AGAP1: variants seen among roughly 807,000 people sequenced by gnomAD.
AGAP1 encodes the protein arf-GAP with GTPase, ANK repeat and PH domain-containing protein 1.
A neutral mutation model predicts 105.3 loss-of-function variants in AGAP1; 29 were observed. The observed-to-expected ratio is 0.28, with a 90% CI of 0.21 to 0.38. The LOEUF is 0.38. Ranked by LOEUF, AGAP1 falls within the 10% of genes least tolerant of loss-of-function variation. AGAP1 has a pLI of 1.00. For synonymous variants in AGAP1, 509 were observed against 485.9 expected (o/e 1.05, Z -0.63); for missense variants, 998 against 1,165.1 (o/e 0.86, Z 2.09).
At chr2:235,657,437 G>A (rs554667718) in intron 1 of AGAP1, among the ~76,000 whole-genome samples, 2 of 152,102 alleles carry the variant, frequency 1.3e-5, no homozygotes, top group African/African-American at 4.8e-5. Context: ...GGAGTGTAAT[G>A]GCGCCACCTC....
At chr2:235,508,641 G>A (rs1457532301) in intron 1 of AGAP1, among the ~76,000 whole-genome samples, 1 of 152,174 alleles carries the variant, frequency 6.6e-6, no homozygotes, top group African/African-American at 2.4e-5. Context: ...GAGGAGGGAG[G>A]ATTTCCAAAC....
In AGAP1 at chr2:235,555,180, C is replaced by T. The variant is rs1470458678; in HGVS notation, c.163+60331C>T. 6.6e-6 allele frequency among the ~76,000 whole-genome samples: 1 copy of T among 152,104 alleles called. No homozygotes were observed. Among genetic ancestry groups the T allele is most frequent in the East Asian group, 1.9e-4 (1 of 5,186 alleles). ...CTTTCCAGATGGATGTTTCTAAAGT[C>T]TTTCTTAAAGGAGCCAGAGGCTTGC... is the stretch of plus-strand genomic sequence containing the variant. On this transcript the variant is annotated intron_variant, in intron 1 of 17. Transcript: ENST00000304032. This position sits in a 1 kb window ranked among gnomAD's most constrained non-coding sequence, Gnocchi z 5.1.
At chr2:235,956,426 T>C (rs1479839634) in intron 12 of AGAP1, among the ~76,000 whole-genome samples, 1 of 152,222 alleles carries the variant, frequency 6.6e-6, no homozygotes, top group Non-Finnish European at 1.5e-5. Flanking sequence ...TCCCCAGGCT[T>C]TCTGCCTCAC....
In AGAP1 at chr2:235,639,512, G is replaced by A. The variant is rs139062999; in HGVS notation, c.164-69667G>A. On this transcript the variant is annotated intron_variant, in intron 1 of 17. Transcript: ENST00000304032. This position sits in a 1 kb window ranked among gnomAD's most constrained non-coding sequence, Gnocchi z 5.3. ...GCGACTGTTGGCTGGTGAGGATGAG[G>A]CTCATGAACAGATGTGGAAACATCG... 6.6e-6 allele frequency among the ~76,000 whole-genome samples: 1 copy of A among 152,128 alleles called. No homozygotes were observed. Among genetic ancestry groups the A allele is most frequent in the Non-Finnish European group, 1.5e-5 (1 of 68,026 alleles).
rs879831264 is a variant in AGAP1, at chr2:236,083,939, A to C, written c.2114+34658A>C. Among the ~76,000 whole-genome samples the C allele has an allele frequency of 4.6e-5, 7 of 152,194 alleles. No individual in the cohort carries two copies. The highest frequency in any genetic ancestry group is 2.0e-4 in the Admixed American group (3 of 15,280). Reference sequence around the variant, plus strand: ...CACAGGCACACATATGCACACACCAAGGTTCTAGATGAGAAGGAACAGAGG... The same window carrying C: ...CACAGGCACACATATGCACACACCACGGTTCTAGATGAGAAGGAACAGAGG... On this transcript the variant is annotated intron_variant, in intron 16 of 17. Coordinates refer to ENST00000304032, the MANE Select transcript of AGAP1 (RefSeq NM_001037131.3). The surrounding 1 kb of genome is among the most constrained non-coding windows in gnomAD (Gnocchi z 5.3).
Position 235,582,519 on chromosome 2 carries a change from T to C in AGAP1, c.163+87670T>C, listed in dbSNP as rs752711668. ...GATCGTGGGGTTGGTTGGTCATGCG[T>C]GTAATTATGTGTTGAGGTTTGGTGC... On this transcript the variant is annotated intron_variant, in intron 1 of 17. Coordinates refer to ENST00000304032, the MANE Select transcript of AGAP1 (RefSeq NM_001037131.3). This position sits in a 1 kb window ranked among gnomAD's most constrained non-coding sequence, Gnocchi z 4.7. Among the ~76,000 whole-genome samples, 2 of 152,110 alleles carry C rather than the reference T, an allele frequency of 1.3e-5. No individual in the cohort carries two copies. The highest frequency in any genetic ancestry group is 2.9e-5 in the Non-Finnish European group (2 of 67,998).
At position 235,582,068 on chromosome 2, in the gene AGAP1, A is replaced by AG. The variant is rs1559265476; in HGVS notation, c.163+87222dup. 6.6e-6 allele frequency among the ~76,000 whole-genome samples: 1 copy of AG among 152,180 alleles called. No individual in the cohort carries two copies. The highest frequency in any genetic ancestry group is 6.5e-5 in the Admixed American group (1 of 15,280). On this transcript the variant is annotated intron_variant, in intron 1 of 17. Transcript: ENST00000304032. The surrounding 1 kb of genome is among the most constrained non-coding windows in gnomAD (Gnocchi z 4.7). ...GAGACATGAAATGTTCCTTCCATCC[A>AG]GGGAAGACGTGATTGCAGCAGGCAG...
rs2054219949 is a variant in AGAP1, at chr2:235,962,191, T to A, written c.1484-6271T>A. 6.6e-6 allele frequency among the ~76,000 whole-genome samples: 1 copy of A among 152,040 alleles called. No individual in the cohort carries two copies. The highest frequency in any genetic ancestry group is 2.1e-4 in the South Asian group (1 of 4,824). On this transcript the variant is annotated intron_variant, in intron 12 of 17. Coordinates refer to ENST00000304032, the MANE Select transcript of AGAP1 (RefSeq NM_001037131.3). The surrounding 1 kb of genome is among the most constrained non-coding windows in gnomAD (Gnocchi z 5.3). ...GCCCCTTGGAGAGTGGGAAGTGGGT[T>A]ACTACAGAAGTGAGGTAGGATTGAA...
chr2:235,892,419 G>A (rs576370151), intron 10 of AGAP1, among the ~76,000 whole-genome samples: 93 of 152,052 alleles, frequency 6.1e-4, no homozygotes, highest in Non-Finnish European at 1.3e-3. Context: ...CAAAGCCAGG[G>A]CAGCCAAACT....
rs1454994294 is a variant in AGAP1, at chr2:235,994,968, G to A, written c.1645+26345G>A. 1.3e-5 allele frequency among the ~76,000 whole-genome samples: 2 copies of A among 148,240 alleles called. No homozygotes were observed. The highest frequency in any genetic ancestry group is 1.4e-4 in the Admixed American group (2 of 14,620). ...TGTAATCGCAGCTACTTGGGAGGCTGAGGCAAGAGAATTGCTTGAACCCGG... is the reference window on the plus strand; with the variant it reads ...TGTAATCGCAGCTACTTGGGAGGCTAAGGCAAGAGAATTGCTTGAACCCGG... On this transcript the variant is annotated intron_variant, in intron 13 of 17. Coordinates refer to ENST00000304032, the MANE Select transcript of AGAP1 (RefSeq NM_001037131.3). The surrounding 1 kb of genome is among the most constrained non-coding windows in gnomAD (Gnocchi z 4.4).
In AGAP1 at chr2:236,120,070, A is replaced by G; in HGVS notation, c.2115-122A>G. The G allele has an allele frequency of 7.2e-7, 1 of 1,396,052 alleles. No homozygotes were observed. Among genetic ancestry groups the G allele is most frequent in the Non-Finnish European group, 9.7e-7 (1 of 1,028,384 alleles). 86.5% of individuals were successfully genotyped at this position (1,396,052 alleles called of 1,614,324 possible). On this transcript the variant is annotated intron_variant, in intron 16 of 17. Transcript: ENST00000304032. This position sits in a 1 kb window ranked among gnomAD's most constrained non-coding sequence, Gnocchi z 6.0. Reference sequence around the variant, plus strand: ...CCCCCAGGGGGCTTTGTGCCGAGTGAAGACCTTTGCTTTCTGTTATTTCAC... The same window carrying G: ...CCCCCAGGGGGCTTTGTGCCGAGTGGAGACCTTTGCTTTCTGTTATTTCAC...
intron 6 of AGAP1, chr2:235,774,045 T>C (rs1024468676): frequency 1.1e-5 from 5 of 443,952 alleles, no homozygotes; most frequent in African/African-American, 1.0e-4. Flanking sequence ...CTATTATGAC[T>C]ACGATGAACA....
chr2:235,544,554 A>G (rs1011850901), intron 1 of AGAP1, among the ~76,000 whole-genome samples: 2 of 152,212 alleles, frequency 1.3e-5, no homozygotes, highest in Non-Finnish European at 2.9e-5. Flanking sequence ...CGGGCCGACC[A>G]CGGAGCCCCT....
rs1014711060 is a variant in AGAP1, at chr2:235,736,103, C to T, written c.311-4860C>T. Among the ~76,000 whole-genome samples the T allele has an allele frequency of 4.0e-5, 6 of 151,552 alleles. No homozygotes were observed. Among genetic ancestry groups the T allele is most frequent in the African/African-American group, 1.2e-4 (5 of 41,228 alleles). On this transcript the variant is annotated intron_variant, in intron 3 of 17. Transcript: ENST00000304032. The surrounding 1 kb of genome is among the most constrained non-coding windows in gnomAD (Gnocchi z 5.5). ...TGAGACTGGGACTCTGTTTTCCCCTCTCACTGAGATGCGGTCACAGCTGCC... is the reference window on the plus strand; with the variant it reads ...TGAGACTGGGACTCTGTTTTCCCCTTTCACTGAGATGCGGTCACAGCTGCC...
At chr2:236,047,927 T>C (rs1295446567) in intron 15 of AGAP1, among the ~76,000 whole-genome samples, 4 of 152,172 alleles carry the variant, frequency 2.6e-5, no homozygotes, top group Non-Finnish European at 5.9e-5. Flanking sequence ...TCTTGTGGTA[T>C]CTATCACTGC....
Position 235,965,421 on chromosome 2 carries a change from G to A in AGAP1, c.1484-3041G>A, listed in dbSNP as rs1012267777. Among the ~76,000 whole-genome samples, 5 of 152,160 alleles carry A rather than the reference G, an allele frequency of 3.3e-5. No individual in the cohort carries two copies. Among genetic ancestry groups the A allele is most frequent in the African/African-American group, 9.7e-5 (4 of 41,428 alleles). On this transcript the variant is annotated intron_variant, in intron 12 of 17. Transcript: ENST00000304032. This position sits in a 1 kb window ranked among gnomAD's most constrained non-coding sequence, Gnocchi z 5.8. ...GGAAGGCACAGTGAAACAGTGTGCC[G>A]TTTTGAAGAAGCAATGGTGAAGGAA...
rs1277850614 is a variant in AGAP1, at chr2:235,845,599, C to G, written c.1051-37746C>G. 0.02 allele frequency among the ~76,000 whole-genome samples: 7 copies of G among 342 alleles called. No homozygotes were observed. Among genetic ancestry groups the G allele is most frequent in the East Asian group, 0.16 (6 of 38 alleles). 0.2% of individuals were successfully genotyped at this position (342 alleles called of 152,430 possible). A position where few individuals can be genotyped will look rare whatever the true frequency, so the allele number is the denominator to read the frequency against. The stretch of plus-strand genomic sequence containing the variant: ...TCCTTTCCTTCCAGTTATTCCTTTC[C>G]TGACCCCCCCCCCGATCTGCTTTTT... On this transcript the variant is annotated intron_variant, in intron 9 of 17. Transcript: ENST00000304032. The surrounding 1 kb of genome is among the most constrained non-coding windows in gnomAD (Gnocchi z 4.8).
At chr2:235,773,866 G>T in intron 6 of AGAP1, 2 of 441,048 alleles carry the variant, frequency 4.5e-6, no homozygotes, top group South Asian at 1.7e-5. Context: ...CGAAAATATT[G>T]CCAACATTTA....
intron 1 of AGAP1, among the ~76,000 whole-genome samples, chr2:235,652,976 A>G (rs1488883785): frequency 6.6e-6 from 1 of 152,116 alleles, no homozygotes; most frequent in African/African-American, 2.4e-5. Flanking sequence ...TCTGTCTCGA[A>G]AAACAAGAAC....
Sources: gnomAD v4.1 joint callset for allele counts (sites outside exome capture counted in the v4.1 genomes callset) on GRCh38, gnomAD v4.1.1 for gene constraint, Gnocchi (gnomAD v3.1) non-coding constraint, MANE v1.5 for transcripts, NCBI Gene and HGNC (gene_info 2026-07-23, HGNC 2026-07-21) for gene names.